Variants in SNTB2 observed in about 807,000 individuals in gnomAD.
SNTB2 encodes the protein syntrophin beta 2.
Under a neutral mutation model 46.2 loss-of-function variants are expected in SNTB2, and 34 were observed. The ratio of observed to expected loss-of-function variants is 0.74; its 90% CI spans 0.56 to 0.98. The LOEUF (loss-of-function observed/expected upper bound fraction) is 0.98. Ranked by LOEUF, SNTB2 falls within the 50% of genes least tolerant of loss-of-function variation. SNTB2 has a pLI of 0.00. For synonymous variants in SNTB2, 290 were observed against 312.6 expected, an observed-to-expected ratio of 0.93 and a Z score of 0.76; for missense variants, 603 against 731.4, an observed-to-expected ratio of 0.82 and a Z score of 2.02.
chr16:69,268,199 C>T (rs972601619), intron 3 of SNTB2, among the ~76,000 whole-genome samples: 1 of 152,216 alleles, frequency 6.6e-6, no homozygotes, highest in Non-Finnish European at 1.5e-5. Flanking sequence ...CGCAGTGGCT[C>T]ACACTTGTAA....
At chr16:69,237,577 C>CTT (rs926025846) in intron 1 of SNTB2, among the ~76,000 whole-genome samples, 3 of 136,446 alleles carry the variant, frequency 2.2e-5, no homozygotes, top group Non-Finnish European at 4.8e-5. Flanking sequence ...GCCAGCATTT[C>CTT]TTTTTTTTTC....
chr16:69,300,919 G>T lies in SNTB2; in HGVS notation c.1618G>T (p.Val540Leu). 8.7e-6 allele frequency: 14 copies of T among 1,600,544 alleles called. No individual in the cohort carries two copies. Among genetic ancestry groups the T allele is most frequent in the South Asian group, 1.1e-5 (1 of 90,620 alleles). Residue 540 changes from valine (V) to leucine (L), a missense_variant, in exon 7 of 7, where the codon GTA (valine) becomes TTA (leucine). Val to Leu is a conservative substitution (Grantham distance 32). This residue lies in a region of SNTB2 where 537 missense variants were observed against 692.4 expected (regional missense o/e 0.78). Coordinates refer to ENST00000336278, the MANE Select transcript of SNTB2 (RefSeq NM_006750.4). The stretch of plus-strand genomic sequence containing the variant: ...CAAAGTCACTCGTATGGGACTGCTT[G>T]TATGAGCAACAAAAAATCAGAAAAG... ...SAKVTRMGLL[V>L]
chr16:69,209,799 T>C (rs1435217977), intron 1 of SNTB2, among the ~76,000 whole-genome samples: 7 of 152,132 alleles, frequency 4.6e-5, no homozygotes, highest in Non-Finnish European at 4.4e-5. Flanking sequence ...GAAGGAGAGA[T>C]ATAGTACAAA....
At chr16:69,256,256 G>A (rs1257404531) in intron 2 of SNTB2, among the ~76,000 whole-genome samples, 1 of 152,152 alleles carries the variant, frequency 6.6e-6, no homozygotes, top group African/African-American at 2.4e-5. Context: ...CTGGCTTCAA[G>A]TGATTTCCCC....
At chr16:69,238,590 A>G (rs1166275629) in intron 1 of SNTB2, among the ~76,000 whole-genome samples, 3 of 152,180 alleles carry the variant, frequency 2.0e-5, no homozygotes, top group Non-Finnish European at 4.4e-5. Flanking sequence ...GCAGACTTAT[A>G]TATCTAGCTG....
intron 1 of SNTB2, among the ~76,000 whole-genome samples, chr16:69,244,369 C>T (rs1964648109): frequency 6.6e-6 from 1 of 152,118 alleles, no homozygotes; most frequent in Admixed American, 6.5e-5. Context: ...CTTAGCATAC[C>T]AGGCATCTCT....
At chr16:69,282,237 G>A (rs1965056548) in intron 4 of SNTB2, among the ~76,000 whole-genome samples, 5 of 148,900 alleles carry the variant, frequency 3.4e-5, no homozygotes, top group Admixed American at 3.3e-4. Flanking sequence ...CAGGCAGGCA[G>A]ATCACCTGAG....
intron 1 of SNTB2, among the ~76,000 whole-genome samples, chr16:69,191,760 C>G (rs536506592): frequency 2.5e-4 from 38 of 152,064 alleles, no homozygotes; most frequent in Non-Finnish European, 4.7e-4. Flanking sequence ...GCTGCCTCAG[C>G]CTCCCAAGTA....
chr16:69,270,087 T>A (rs1964923621), intron 3 of SNTB2, 56 bp from the exon 4 acceptor site: 1 of 1,608,694 alleles, frequency 6.2e-7, no homozygotes, highest in Non-Finnish European at 8.5e-7. Flanking sequence ...TGAAGGAACT[T>A]TTACAAAGAC....
chr16:69,187,297 G>C lies in SNTB2; in HGVS notation c.131G>C (p.Ser44Thr). The C allele has an allele frequency of 2.7e-6, 4 of 1,487,424 alleles. No homozygotes were observed. The highest frequency in any genetic ancestry group is 3.6e-6 in the Non-Finnish European group (4 of 1,125,946). The allele number at this position is 1,487,424 out of a possible 1,614,324, so 92.1% of individuals were successfully genotyped here. A position where few individuals can be genotyped will look rare whatever the true frequency, so the allele number is the denominator to read the frequency against. Residue 44 changes from serine to threonine, a missense_variant, in exon 1 of 7, where the codon AGC becomes ACC. Physicochemically the swap from Ser to Thr is moderately conservative, Grantham distance 58. This residue lies in a region of SNTB2 where 537 missense variants were observed against 692.4 expected (regional missense o/e 0.78). Coordinates refer to ENST00000336278, the MANE Select transcript of SNTB2 (RefSeq NM_006750.4). ...TGGGTCCGAGTGGTGGCCGAGCTGA[G>C]CGGGGAGAGCCTGAGCCTGACGGGC... ...ERWVRVVAEL[S>T]GESLSLTGDA...
rs1491147095 is a variant in SNTB2, at chr16:69,292,418, TTA to T, written c.1346-7156_1346-7155del. On this transcript the variant is annotated intron_variant, in intron 5 of 6. Coordinates refer to ENST00000336278, the MANE Select transcript of SNTB2 (RefSeq NM_006750.4). ...TATATATATATATATTATATATATA[TTA>T]TATATATATATATATTATATATATA... 5.6e-4 allele frequency among the ~76,000 whole-genome samples: 8 copies of T among 14,250 alleles called. 1 individual carries two copies. Among genetic ancestry groups the T allele is most frequent in the Admixed American group, 2.1e-3 (2 of 970 alleles). The allele number at this position is 14,250 out of a possible 152,430, so 9.3% of individuals were successfully genotyped here.
intron 1 of SNTB2, among the ~76,000 whole-genome samples, chr16:69,203,298 G>C (rs563948642): frequency 1.3e-5 from 2 of 150,612 alleles, no homozygotes; most frequent in African/African-American, 4.9e-5. Flanking sequence ...GATTACAGGC[G>C]TGAGCCACTG....
chr16:69,238,544 A>G (rs1964579735), intron 1 of SNTB2, among the ~76,000 whole-genome samples: 1 of 152,052 alleles, frequency 6.6e-6, no homozygotes, highest in Non-Finnish European at 1.5e-5. Flanking sequence ...ATAGCTCCCA[A>G]ATTTATGTTT....
chr16:69,273,687 G>T (rs1964960235), intron 4 of SNTB2, among the ~76,000 whole-genome samples: 1 of 152,118 alleles, frequency 6.6e-6, no homozygotes, highest in African/African-American at 2.4e-5. Flanking sequence ...GGGATAAATT[G>T]TATGGTGTGT....
chr16:69,295,230 A>ATTT lies in SNTB2; in HGVS notation c.1346-4331_1346-4329dup, dbSNP rs1160903028. On this transcript the variant is annotated intron_variant, in intron 5 of 6. Coordinates refer to ENST00000336278, the MANE Select transcript of SNTB2 (RefSeq NM_006750.4). ...CTGTTAAACAAAATCAACATACTGA[A>ATTT]TTTTTTTTTTTTTTTTTTTTTTTTT... Among the ~76,000 whole-genome samples the ATTT allele has an allele frequency of 1.2e-3, 101 of 81,936 alleles. 7 individuals are homozygous for ATTT. Among genetic ancestry groups the ATTT allele is most frequent in the South Asian group, 1.9e-3 (4 of 2,148 alleles). 53.8% of individuals were successfully genotyped at this position (81,936 alleles called of 152,430 possible).
At chr16:69,294,246 G>A (rs1401186526) in intron 5 of SNTB2, among the ~76,000 whole-genome samples, 1 of 152,036 alleles carries the variant, frequency 6.6e-6, no homozygotes, top group African/African-American at 2.4e-5. Flanking sequence ...TCAAACTTGT[G>A]GCCTCAAGCA....
At chr16:69,191,241 AAG>A (rs1457729034) in intron 1 of SNTB2, 1 of 149,228 alleles carries the variant, frequency 6.7e-6, no homozygotes, top group Non-Finnish European at 1.5e-5. Flanking sequence ...AAAAGAAAGA[AAG>A]AAAAGAAAAG....
chr16:69,227,876 A>G (rs1016064072), intron 1 of SNTB2, among the ~76,000 whole-genome samples: 1 of 141,550 alleles, frequency 7.1e-6, no homozygotes, highest in African/African-American at 2.7e-5. Flanking sequence ...TAAGATAAGT[A>G]AGATGGGGTC....
intron 2 of SNTB2, among the ~76,000 whole-genome samples, chr16:69,257,895 A>G (rs757924893): frequency 1.1e-4 from 17 of 152,372 alleles, no homozygotes; most frequent in Middle Eastern, 3.4e-3. Flanking sequence ...TGTATCTCCA[A>G]TACCAGTGCC....
Sources: allele counts gnomAD v4.1 joint callset (sites outside exome capture counted in the v4.1 genomes callset), GRCh38; gene constraint gnomAD v4.1.1; regional missense constraint gnomAD v4.1.1; transcripts MANE v1.5; gene names NCBI Gene and HGNC (gene_info 2026-07-23, HGNC 2026-07-21).